HERC2: variants seen among roughly 807,000 people sequenced by gnomAD.
HERC2 encodes the protein E3 ubiquitin-protein ligase HERC2.
Under a neutral mutation model 537.7 loss-of-function variants are expected in HERC2, and 102 were observed. That is an observed-to-expected ratio of 0.19 (90% confidence interval 0.16 to 0.22). The LOEUF is 0.22. Among genes scored for constraint, HERC2 ranks in the 10% least tolerant of loss-of-function variants. The probability of loss-of-function intolerance (pLI) is 1.00; values close to 1 mark genes in which losing one functional copy is unlikely to be tolerated. For synonymous variants in HERC2, 2,224 were observed against 2,466.2 expected, an observed-to-expected ratio of 0.90 and a Z score of 2.91; for missense variants, 4,236 against 6,198.2, an observed-to-expected ratio of 0.68 and a Z score of 10.63.
At chr15:28,185,404 T>G (rs1227271994) in intron 56 of HERC2, among the ~76,000 whole-genome samples, 2 of 152,212 alleles carry the variant, frequency 1.3e-5, no homozygotes, top group African/African-American at 4.8e-5. Flanking sequence ...CCAAAGCGCC[T>G]TGGGAATGTT....
chr15:28,185,138 T>C (rs929224632), intron 56 of HERC2, among the ~76,000 whole-genome samples: 5 of 151,666 alleles, frequency 3.3e-5, no homozygotes, highest in African/African-American at 1.2e-4. Context: ...ACACAAAGTT[T>C]CTGAAATAAA....
intron 37 of HERC2, among the ~76,000 whole-genome samples, chr15:28,219,662 C>T (rs1244582113): frequency 1.3e-5 from 2 of 152,180 alleles, no homozygotes; most frequent in Middle Eastern, 6.3e-3. Flanking sequence ...CCTCTTCCAG[C>T]CCCCATACCA....
chr15:28,207,462 C>A (rs549775152), intron 44 of HERC2, among the ~76,000 whole-genome samples: 5 of 152,178 alleles, frequency 3.3e-5, no homozygotes, highest in Admixed American at 1.3e-4. Flanking sequence ...TGTTCACTCA[C>A]GGCTTCAGTA....
intron 83 of HERC2, among the ~76,000 whole-genome samples, 187 bp from the exon 84 acceptor site, chr15:28,125,380 T>C (rs763287880): frequency 6.6e-6 from 1 of 152,194 alleles, no homozygotes; most frequent in Non-Finnish European, 1.5e-5. Flanking sequence ...CATGAATACA[T>C]GCTAATTACA....
intron 16 of HERC2, among the ~76,000 whole-genome samples, chr15:28,258,085 A>G (rs1388691864): frequency 6.6e-6 from 1 of 152,230 alleles, no homozygotes; most frequent in Non-Finnish European, 1.5e-5. Context: ...GAAATCATAT[A>G]CAGTTTGTTC....
intron 70 of HERC2, among the ~76,000 whole-genome samples, chr15:28,151,508 A>G (rs1347113168): frequency 6.6e-6 from 1 of 152,062 alleles, no homozygotes; most frequent in Non-Finnish European, 1.5e-5. Context: ...AAAAATAAAT[A>G]AAAGGAAAAA....
rs774694425 is a variant in HERC2, at chr15:28,182,470, C to G, written c.8868G>C (p.Thr2956=). 6.2e-7 allele frequency: 1 copy of G among 1,613,716 alleles called. No individual in the cohort carries two copies. Among genetic ancestry groups the G allele is most frequent in the Non-Finnish European group, 8.5e-7 (1 of 1,179,982 alleles). Residue 2956 remains threonine, a synonymous_variant, in exon 57 of 93, where the codon ACG becomes ACC. Coordinates refer to ENST00000261609, the MANE Select transcript of HERC2 (RefSeq NM_004667.6). ...CCCACACAAACACCTTGGTTCTTAT[C>G]GTAGCTGCTGATTCCAGCCCAGCAG... ...KKAAGLESAA[T]IRTKVFVWGL...
intron 5 of HERC2, among the ~76,000 whole-genome samples, chr15:28,278,610 T>C (rs1296498139): frequency 1.3e-5 from 2 of 151,802 alleles, no homozygotes; most frequent in African/African-American, 4.8e-5. Context: ...TATTTAAACA[T>C]AAGGAAACAA....
chr15:28,280,055 G>A lies in HERC2; in HGVS notation c.542+13C>T, dbSNP rs767835057. ...TAACTGGCATCAGGATTCTTTCTTC[G>A]CTTTATTGTTACCTTTTTTTGTCCA... is the stretch of plus-strand genomic sequence containing the variant. On this transcript the variant is annotated intron_variant, in intron 5 of 92. Transcript: ENST00000261609. The A allele has an allele frequency of 2.4e-5, 39 of 1,596,450 alleles. No individual in the cohort carries two copies. Among genetic ancestry groups the A allele is most frequent in the African/African-American group, 4.0e-5 (3 of 74,258 alleles).
At chr15:28,307,261 CTTCT>C (rs1365496173) in intron 2 of HERC2, among the ~76,000 whole-genome samples, 4 of 152,208 alleles carry the variant, frequency 2.6e-5, no homozygotes, top group African/African-American at 9.6e-5. Flanking sequence ...TGATTTGGGT[CTTCT>C]TTTTCTCTTA....
chr15:28,233,685 G>A lies in HERC2; in HGVS notation c.4330C>T (p.Leu1444Phe). The part of the protein sequence containing the change: ...EEVGRLLLCC[L>F]LKHEDLGHVA... ...TTACCTAAATCTTCATGTTTTAAGA[G>A]GCAACATAACAACAAGCGACCGACC... The change falls in exon 28 of 93, where the codon CTC becomes TTC. Residue 1444 changes from leucine to phenylalanine, a missense_variant. Physicochemically the swap from Leu to Phe is conservative, Grantham distance 22. Around this residue, in one of 27 missense-constraint regions of HERC2, gnomAD observed 94 missense variants for 174.9 expected, o/e 0.54. Transcript: ENST00000261609. 6.2e-7 allele frequency: 1 copy of A among 1,613,990 alleles called. No homozygotes were observed. Among genetic ancestry groups the A allele is most frequent in the East Asian group, 2.2e-5 (1 of 44,870 alleles).
In HERC2 at chr15:28,139,354, G is replaced by C. The variant is rs569577896; in HGVS notation, c.12015+2078C>G. Among the ~76,000 whole-genome samples the C allele has an allele frequency of 3.0e-4, 46 of 152,306 alleles. 2 individuals are homozygous for C. In the South Asian group the frequency reaches 9.3e-3, roughly 31 times the overall value. On this transcript the variant is annotated intron_variant, in intron 78 of 92. Transcript: ENST00000261609. ...CGCCTCCCTTGCTCTCGCTGACAGAGTCAGCTGCCACCCTGTGAGACGCTC... is the reference window on the plus strand; with the variant it reads ...CGCCTCCCTTGCTCTCGCTGACAGACTCAGCTGCCACCCTGTGAGACGCTC...
chr15:28,235,204 G>C (rs567642520), intron 26 of HERC2, among the ~76,000 whole-genome samples: 1 of 152,134 alleles, frequency 6.6e-6, no homozygotes, highest in East Asian at 1.9e-4. Context: ...CACCACATTC[G>C]TTCTTCTGAA....
chr15:28,294,053 T>C lies in HERC2; in HGVS notation c.188-1031A>G, dbSNP rs548309380. ...CCATCCAGATTACAAATAATGACTA[T>C]CTAAAAATCTCGAAGGAAACAGTTC... On this transcript the variant is annotated intron_variant, in intron 3 of 92. Transcript: ENST00000261609. Among the ~76,000 whole-genome samples, 11 of 152,256 alleles carry C rather than the reference T, an allele frequency of 7.2e-5. No homozygotes were observed. In the South Asian group the frequency reaches 2.3e-3, roughly 32 times the overall value.
intron 81 of HERC2, among the ~76,000 whole-genome samples, chr15:28,131,382 G>A (rs1890089105): frequency 6.6e-6 from 1 of 152,096 alleles, no homozygotes; most frequent in African/African-American, 2.4e-5. Context: ...ACAGCCCCAC[G>A]AGAGAGGAGG....
chr15:28,124,971 C>T (rs1212582027), intron 84 of HERC2, 35 bp downstream of exon 84: 2 of 1,564,406 alleles, frequency 1.3e-6, no homozygotes, highest in Non-Finnish European at 8.7e-7. Flanking sequence ...GCACACTTTG[C>T]TTGCCCCCGA....
At chr15:28,301,758 T>C (rs2076638512) in intron 2 of HERC2, among the ~76,000 whole-genome samples, 1 of 119,408 alleles carries the variant, frequency 8.4e-6, no homozygotes, top group African/African-American at 3.4e-5. Context: ...TATATATATA[T>C]ATATATATAT....
At chr15:28,250,312 C>T (rs1456139831) in intron 20 of HERC2, among the ~76,000 whole-genome samples, 4 of 152,132 alleles carry the variant, frequency 2.6e-5, no homozygotes, top group Non-Finnish European at 5.9e-5. Context: ...TGCGCCCTCA[C>T]TGGGCTCACC....
intron 45 of HERC2, chr15:28,203,334 C>G (rs998107039): frequency 2.7e-5 from 4 of 147,210 alleles, no homozygotes; most frequent in African/African-American, 1.0e-4. Flanking sequence ...AGGAAGAAAC[C>G]GAGGACACTG....
Sources: allele counts gnomAD v4.1 joint callset (sites outside exome capture counted in the v4.1 genomes callset), GRCh38; gene constraint gnomAD v4.1.1; regional missense constraint gnomAD v4.1.1; transcripts MANE v1.5; gene names NCBI Gene and HGNC (gene_info 2026-07-23, HGNC 2026-07-21).